LDLRAD3: variants seen among roughly 807,000 people sequenced by gnomAD.
LDLRAD3 encodes the protein low density lipoprotein receptor class A domain containing 3, also known as low-density lipoprotein receptor class A domain-containing protein 3.
LDLRAD3 carries 20 observed loss-of-function variants against 29.4 expected under a neutral mutation model. That is an observed-to-expected ratio of 0.68 (90% confidence interval 0.48 to 0.99). The LOEUF is 0.99. Among genes scored for constraint, LDLRAD3 ranks in the 50% least tolerant of loss-of-function variants. LDLRAD3 has a pLI of 0.00. For missense variants in LDLRAD3, 420 were observed against 454.3 expected, an observed-to-expected ratio of 0.92 and a Z score of 0.69; for synonymous variants, 157 against 192.7, an observed-to-expected ratio of 0.81 and a Z score of 1.53.
intron 3 of LDLRAD3, among the ~76,000 whole-genome samples, chr11:36,082,497 G>A (rs1853130303): frequency 6.6e-6 from 1 of 152,208 alleles, no homozygotes; most frequent in South Asian, 2.1e-4. Flanking sequence ...AACAGAGTGA[G>A]ACCCTGTCTC....
chr11:35,949,076 A>C (rs886642392), intron 1 of LDLRAD3, among the ~76,000 whole-genome samples: 2 of 151,976 alleles, frequency 1.3e-5, no homozygotes, highest in African/African-American at 2.4e-5. Flanking sequence ...TTCTGGATGC[A>C]GGGGGTCAAG....
intron 1 of LDLRAD3, among the ~76,000 whole-genome samples, chr11:35,982,133 T>G (rs891584194): frequency 6.6e-5 from 10 of 152,176 alleles, no homozygotes; most frequent in Non-Finnish European, 1.3e-4. Flanking sequence ...AACAGAAATT[T>G]ATTGTCTCAC....
intron 4 of LDLRAD3, among the ~76,000 whole-genome samples, chr11:36,140,475 CTAGGGTG>C (rs1237679631): frequency 5.9e-5 from 9 of 152,196 alleles, no homozygotes; most frequent in African/African-American, 9.6e-5. Flanking sequence ...GTCACCCAGG[CTAGGGTG>C]TAGTGGCACT....
chr11:36,025,635 C>T (rs1036696815), intron 1 of LDLRAD3, among the ~76,000 whole-genome samples: 16 of 151,752 alleles, frequency 1.1e-4, no homozygotes, highest in African/African-American at 1.5e-4. Context: ...GTGATCTGCC[C>T]GCCTCGGCCT....
At chr11:36,015,397 T>C (rs2133192174) in intron 1 of LDLRAD3, among the ~76,000 whole-genome samples, 1 of 143,184 alleles carries the variant, frequency 7.0e-6, no homozygotes, top group Admixed American at 7.2e-5. Context: ...GTGAGGTTGC[T>C]GGTTGCTCAG....
intron 1 of LDLRAD3, among the ~76,000 whole-genome samples, chr11:35,963,198 G>A (rs73448414): frequency 0.028 from 4,259 of 152,180 alleles, 160 homozygotes; most frequent in African/African-American, 0.095. Flanking sequence ...ACCAACCAAC[G>A]GTCCCATAGA....
chr11:36,059,917 T>C (rs1852672228), intron 2 of LDLRAD3, among the ~76,000 whole-genome samples: 1 of 152,204 alleles, frequency 6.6e-6, no homozygotes, highest in East Asian at 1.9e-4. Flanking sequence ...GTGATGGGAA[T>C]AGGAGGGATA....
chr11:36,002,071 G>A (rs1299691722), intron 1 of LDLRAD3, among the ~76,000 whole-genome samples: 3 of 152,142 alleles, frequency 2.0e-5, no homozygotes, highest in Non-Finnish European at 4.4e-5. Context: ...GTCTAGGGGG[G>A]TTGCTTTCGC....
chr11:36,167,566 T>C (rs1854533378), intron 4 of LDLRAD3, among the ~76,000 whole-genome samples: 1 of 151,948 alleles, frequency 6.6e-6, no homozygotes, highest in African/African-American at 2.4e-5. Flanking sequence ...ATTGATCCAA[T>C]GGAGGTAAAG....
intron 2 of LDLRAD3, among the ~76,000 whole-genome samples, chr11:36,051,534 T>A (rs1852528164): frequency 6.6e-6 from 1 of 152,232 alleles, no homozygotes; most frequent in Non-Finnish European, 1.5e-5. Flanking sequence ...CAACACCTGC[T>A]TCACAGTAAG....
rs2133295945 is a variant in LDLRAD3, at chr11:36,120,968, G to A, written c.454+22507G>A. Among the ~76,000 whole-genome samples the A allele has an allele frequency of 2.0e-5, 3 of 152,200 alleles. No individual in the cohort carries two copies. In the South Asian group the frequency reaches 6.2e-4, roughly 32 times the overall value. ...CCCTCACCAGACCCTAATTCTACCA[G>A]GACTTTGATCTTAGACTTCCCAGCC... On this transcript the variant is annotated intron_variant, in intron 4 of 5. Transcript: ENST00000315571.
Position 36,081,726 on chromosome 11 carries a change from C to T in LDLRAD3, c.267C>T (p.Phe89=), listed in dbSNP as rs1853117650. The T allele has an allele frequency of 2.5e-6, 4 of 1,614,116 alleles. No individual in the cohort carries two copies. The highest frequency in any genetic ancestry group is 3.4e-6 in the Non-Finnish European group (4 of 1,180,050). Residue 89 remains phenylalanine, a synonymous_variant, in exon 3 of 6, where the codon TTC becomes TTT. Transcript: ENST00000315571. ...GCATCCATTGCATCATTGGTCGCTT[C>T]CGGTGCAATGGGTTTGAGGACTGTC... The part of the protein sequence containing the change: ...ASGIHCIIGR[F]RCNGFEDCPD...
intron 2 of LDLRAD3, 125 bp downstream of exon 2, chr11:36,036,374 G>C (rs1408641090): frequency 1.9e-6 from 2 of 1,040,416 alleles, no homozygotes; most frequent in Admixed American, 4.7e-5. Context: ...TGTGCCTCTT[G>C]CCAGCAGTCC....
intron 1 of LDLRAD3, among the ~76,000 whole-genome samples, chr11:35,977,099 G>A (rs947377858): frequency 3.9e-5 from 6 of 152,192 alleles, no homozygotes; most frequent in Non-Finnish European, 8.8e-5. Context: ...AGAGCCTGCT[G>A]GAGGTAGGTA....
At chr11:36,141,661 A>T (rs923497515) in intron 4 of LDLRAD3, among the ~76,000 whole-genome samples, 1 of 152,134 alleles carries the variant, frequency 6.6e-6, no homozygotes, top group Admixed American at 6.5e-5. Flanking sequence ...TGAAGAAGGG[A>T]TGTACGCTAA....
chr11:36,086,386 A>AAATAT lies in LDLRAD3; in HGVS notation c.319+4608_319+4609insAATAT, dbSNP rs199510959. The stretch of plus-strand genomic sequence containing the variant: ...TGGGTCTTATTTGAAGCCTAGCGGG[A>AAATAT]GTGCTTATATATGTGTTTTTGTAGG... On this transcript the variant is annotated intron_variant, in intron 3 of 5. Coordinates refer to ENST00000315571, the MANE Select transcript of LDLRAD3 (RefSeq NM_174902.4). Among the ~76,000 whole-genome samples, 627 of 152,146 alleles carry AAATAT rather than the reference A, an allele frequency of 4.1e-3. 20 individuals are homozygous for AAATAT. The East Asian group carries it at 0.085, about 21-fold the overall frequency.
intron 4 of LDLRAD3, among the ~76,000 whole-genome samples, chr11:36,129,557 A>G (rs1252476510): frequency 6.6e-6 from 1 of 152,178 alleles, no homozygotes; most frequent in Non-Finnish European, 1.5e-5. Flanking sequence ...GATTTTATAA[A>G]TCGTCCTTTG....
In LDLRAD3 at chr11:35,945,237, C is replaced by T. The variant is rs549424535; in HGVS notation, c.46+1093C>T. The stretch of plus-strand genomic sequence containing the variant: ...TGGCTGTCGAGGTGTCTTTGGTGGC[C>T]TGTGGGTTTGCTAAGTTGAGGCTCA... On this transcript the variant is annotated intron_variant, in intron 1 of 5. Transcript: ENST00000315571. Among the ~76,000 whole-genome samples, 3 of 152,286 alleles carry T rather than the reference C, an allele frequency of 2.0e-5. No homozygotes were observed. The East Asian group carries it at 5.8e-4, about 29-fold the overall frequency.
At chr11:36,215,167 G>A (rs1411060742) in intron 4 of LDLRAD3, among the ~76,000 whole-genome samples, 2 of 152,312 alleles carry the variant, frequency 1.3e-5, no homozygotes, top group East Asian at 3.9e-4. Flanking sequence ...TGCATGCTGG[G>A]TGTGTTCCAG....
Sources: allele counts gnomAD v4.1 joint callset (sites outside exome capture counted in the v4.1 genomes callset), GRCh38; gene constraint gnomAD v4.1.1; transcripts MANE v1.5; gene names NCBI Gene and HGNC (gene_info 2026-07-23, HGNC 2026-07-21).